The following MAN2A2 variants were observed in gnomAD, a reference collection of about 807,000 sequenced individuals.
MAN2A2 encodes alpha-mannosidase 2x.
In MAN2A2, 79 loss-of-function variants were observed where a neutral mutation model predicts 126.8. The ratio of observed to expected loss-of-function variants is 0.62; its 90% CI spans 0.52 to 0.75. The LOEUF is 0.75. Among genes scored for constraint, MAN2A2 ranks in the 30% least tolerant of loss-of-function variants. The probability of loss-of-function intolerance (pLI) is 0.00; values close to 1 mark genes in which losing one functional copy is unlikely to be tolerated. For synonymous variants in MAN2A2, 671 were observed against 618.7 expected (o/e 1.08, Z -1.25); for missense variants, 1,392 against 1,522.4 (o/e 0.91, Z 1.43).
intron 20 of MAN2A2, chr15:90,916,695 G>C: frequency 7.8e-7 from 1 of 1,284,880 alleles, no homozygotes; most frequent in Non-Finnish European, 1.0e-6. Flanking sequence ...GAACTAGTAC[G>C]AGCAAGGTGT....
chr15:90,904,214 C>A lies in MAN2A2; in HGVS notation c.7C>A (p.Leu3Met). The change falls in exon 2 of 23, where the codon CTG becomes ATG. Residue 3 changes from leucine (L) to methionine (M), a missense_variant. Transcript: ENST00000559717. MK[L>M]KKQVTVCGAA... ...GGTGTGTGTGGAGGCCAGTATGAAG[C>A]TGAAAAAGCAGGTGACAGTGTGTGG... 1 of 1,614,144 alleles carries A rather than the reference C, an allele frequency of 6.2e-7. No homozygotes were observed. Among genetic ancestry groups the A allele is most frequent in the Non-Finnish European group, 8.5e-7 (1 of 1,180,028 alleles).
chr15:90,909,690 G>A (rs556710731), intron 9 of MAN2A2, among the ~76,000 whole-genome samples, 186 bp downstream of exon 9: 26 of 149,728 alleles, frequency 1.7e-4, no homozygotes, highest in Non-Finnish European at 2.5e-4. Flanking sequence ...TGCCAGCTCC[G>A]CCTCCCGGGT....
In MAN2A2 at chr15:90,911,148, C is replaced by T. The variant is rs764817806; in HGVS notation, c.1876-23C>T. The T allele has an allele frequency of 2.5e-6, 4 of 1,612,974 alleles. No individual in the cohort carries two copies. The South Asian group carries it at 3.3e-5, about 13-fold the overall frequency. ...GAGGCTGAGCCCATGATGGTTCTTC[C>T]CTTCCGGCTCACTGAATTCCAGGAT... On this transcript the variant is annotated intron_variant, in intron 12 of 22. Transcript: ENST00000559717.
chr15:90,916,149 C>A lies in MAN2A2; in HGVS notation c.2887C>A (p.Arg963=), dbSNP rs752925744. 8.7e-6 allele frequency: 14 copies of A among 1,613,898 alleles called. No homozygotes were observed. The highest frequency in any genetic ancestry group is 1.3e-5 in the African/African-American group (1 of 74,920). Residue 963 remains arginine, a synonymous_variant, in exon 20 of 23, where the codon CGG becomes AGG. Transcript: ENST00000559717. ...CCAGCTGGAGGTGATCTTGGACCGG[C>A]GGCTGATGCAGGATGACAACCGGGG... ...DGQLEVILDR[R]LMQDDNRGLG...
chr15:90,906,068 G>T (rs201609761), intron 5 of MAN2A2, 52 bp downstream of exon 5: 4 of 1,608,684 alleles, frequency 2.5e-6, no homozygotes, highest in Non-Finnish European at 3.4e-6. Context: ...CCCCAGGCTG[G>T]GTGGACGGGT....
At position 90,918,398 on chromosome 15, in the gene MAN2A2, C is replaced by G; in HGVS notation, c.3189+10C>G. The G allele has an allele frequency of 1.2e-6, 2 of 1,610,918 alleles. No individual in the cohort carries two copies. The highest frequency in any genetic ancestry group is 1.7e-6 in the Non-Finnish European group (2 of 1,177,828). ...TACGCTCCAGGCTGAGGTGAGTGTC[C>G]CTCAGCGTGACATGCTGAGAGCAGA... On this transcript the variant is annotated intron_variant, in intron 21 of 22. Transcript: ENST00000559717.
At chr15:90,917,391 G>C (rs1282917111) in intron 20 of MAN2A2, among the ~76,000 whole-genome samples, 4 of 152,150 alleles carry the variant, frequency 2.6e-5, no homozygotes, top group African/African-American at 9.7e-5. Context: ...TGAGCAAGGA[G>C]GGACACCGTC....
At chr15:90,904,036 TG>T in intron 1 of MAN2A2, 153 bp from the exon 2 acceptor site, 1 of 785,376 alleles carries the variant, frequency 1.3e-6, no homozygotes, top group Non-Finnish European at 2.2e-6. Context: ...CAGGACCAGG[TG>T]GGCCAGCCTC....
chr15:90,918,094 C>G, intron 20 of MAN2A2, 100 bp from the exon 21 acceptor site: 1 of 1,184,666 alleles, frequency 8.4e-7, no homozygotes, highest in Non-Finnish European at 1.2e-6. Flanking sequence ...CAGGAAAGGT[C>G]TTTCCAAAAC....
At chr15:90,908,990 C>G (rs1018281258) in intron 8 of MAN2A2, among the ~76,000 whole-genome samples, 1 of 152,164 alleles carries the variant, frequency 6.6e-6, no homozygotes, top group Non-Finnish European at 1.5e-5. Context: ...TGAGCTAGTA[C>G]TTGTGGAGCT....
intron 1 of MAN2A2, chr15:90,903,896 C>T (rs1381419177): frequency 7.0e-6 from 3 of 428,984 alleles, no homozygotes; most frequent in East Asian, 5.2e-5. Context: ...CCTATCTAGG[C>T]AGGGAAGCTG....
chr15:90,913,468 C>T (rs192000216), intron 18 of MAN2A2, 62 bp downstream of exon 18: 137 of 1,578,936 alleles, frequency 8.7e-5, no homozygotes, highest in Non-Finnish European at 1.1e-4. Flanking sequence ...TGCTTTTGCC[C>T]CTGTCACAGG....
At chr15:90,916,734 C>G in intron 20 of MAN2A2, 3 of 1,110,560 alleles carry the variant, frequency 2.7e-6, no homozygotes, top group Non-Finnish European at 3.6e-6. Flanking sequence ...GTGACAGAGC[C>G]CGCCACTCAG....
At position 90,916,264 on chromosome 15, in the gene MAN2A2, C is replaced by T; in HGVS notation, c.2994+8C>T. 6.2e-7 allele frequency: 1 copy of T among 1,612,332 alleles called. No individual in the cohort carries two copies. The highest frequency in any genetic ancestry group is 8.5e-7 in the Non-Finnish European group (1 of 1,178,868). ...CGAACCGTGGGCAGTGAGGTAACAT[C>T]TGGGGCTGACGCCCAGGGAGCCAGG... On this transcript the variant is annotated splice_region_variant and intron_variant, in intron 20 of 22. Coordinates refer to ENST00000559717, the MANE Select transcript of MAN2A2 (RefSeq NM_006122.4).
chr15:90,913,283 G>C lies in MAN2A2; in HGVS notation c.2595G>C (p.Gly865=). 6.2e-7 allele frequency: 1 copy of C among 1,614,008 alleles called. No homozygotes were observed. The change falls in exon 18 of 23, where the codon GGG becomes GGC. Residue 865 remains glycine (G), a synonymous_variant. Coordinates refer to ENST00000559717, the MANE Select transcript of MAN2A2 (RefSeq NM_006122.4). ...VRLYNLPGVE[G]LSLDISSLVD... is the part of the protein sequence containing the mutation. ...TGTTCCTGTACCCAGGGGTGGAGGGGCTGTCTCTGGACATATCATCCCTGG... is the reference window on the plus strand; with the variant it reads ...TGTTCCTGTACCCAGGGGTGGAGGGCCTGTCTCTGGACATATCATCCCTGG...
At position 90,905,723 on chromosome 15, in the gene MAN2A2, G is replaced by A; in HGVS notation, c.535G>A (p.Gly179Ser). Reference protein sequence around the residue: ...FVVPHSHNDPGWIKTFDKYYT... With the variant: ...FVVPHSHNDPSWIKTFDKYYT... ...GGTGCCCCACTCTCACAATGACCCA[G>A]GTGAGGGCCCTGCAGACTCCTGGGA... Residue 179 changes from glycine to serine, a missense_variant and splice_region_variant, in exon 4 of 23, where the codon GGC (glycine) becomes AGC (serine). Gly to Ser is a moderately conservative substitution (Grantham distance 56). Coordinates refer to ENST00000559717, the MANE Select transcript of MAN2A2 (RefSeq NM_006122.4). 6.2e-7 allele frequency: 1 copy of A among 1,613,922 alleles called. No homozygotes were observed. The highest frequency in any genetic ancestry group is 1.1e-5 in the South Asian group (1 of 91,036).
At chr15:90,915,963 C>A (rs2035140088) in intron 19 of MAN2A2, 160 bp from the exon 20 acceptor site, 1 of 691,014 alleles carries the variant, frequency 1.4e-6, no homozygotes, top group South Asian at 2.0e-5. Flanking sequence ...CATCAGGTTC[C>A]CTCCCAGCCG....
chr15:90,910,385 G>T, intron 10 of MAN2A2, 93 bp downstream of exon 10: 1 of 1,572,632 alleles, frequency 6.4e-7, no homozygotes, highest in Admixed American at 1.7e-5. Flanking sequence ...GAATAGATAG[G>T]CCCAGAGGCC....
intron 16 of MAN2A2, 81 bp downstream of exon 16, chr15:90,912,745 C>T (rs2034855925): frequency 6.3e-7 from 1 of 1,593,918 alleles, no homozygotes; most frequent in Non-Finnish European, 8.6e-7. Flanking sequence ...TTGCTGCCTG[C>T]CAGGGGCCTT....
Sources: gnomAD v4.1 joint callset for allele counts (sites outside exome capture counted in the v4.1 genomes callset) on GRCh38, gnomAD v4.1.1 for gene constraint, MANE v1.5 for transcripts, NCBI Gene and HGNC (gene_info 2026-07-23, HGNC 2026-07-21) for gene names.